Variants in NLGN1 observed in about 807,000 individuals in gnomAD.
NLGN1 encodes the protein neuroligin 1, also known as neuroligin-1.
In NLGN1, 12 loss-of-function variants were observed where a neutral mutation model predicts 65.5. The ratio of observed to expected loss-of-function variants is 0.18; its 90% CI spans 0.12 to 0.30. The LOEUF is 0.30. Ranked by LOEUF, NLGN1 falls within the 10% of genes least tolerant of loss-of-function variation. NLGN1 has a pLI of 1.00. For missense variants in NLGN1, 750 were observed against 1,007.1 expected, an observed-to-expected ratio of 0.74 and a Z score of 3.46; for synonymous variants, 350 against 359.5, an observed-to-expected ratio of 0.97 and a Z score of 0.30.
At chr3:173,864,703 G>A (rs369972469) in intron 4 of NLGN1, among the ~76,000 whole-genome samples, 5 of 152,122 alleles carry the variant, frequency 3.3e-5, no homozygotes, top group Admixed American at 6.5e-5. Flanking sequence ...AAACTTACAC[G>A]CAGGCTGTAA....
intron 4 of NLGN1, among the ~76,000 whole-genome samples, chr3:173,894,696 G>A (rs1459366506): frequency 1.4e-5 from 2 of 147,792 alleles, no homozygotes; most frequent in Non-Finnish European, 3.0e-5. Context: ...CAATGGCAAT[G>A]GCACATTATT....
intron 4 of NLGN1, among the ~76,000 whole-genome samples, chr3:174,208,838 T>C (rs1735905646): frequency 6.6e-6 from 1 of 152,202 alleles, no homozygotes; most frequent in African/African-American, 2.4e-5. Context: ...TTTAGTATTA[T>C]ATGATGCAGG....
chr3:174,213,314 G>T (rs1737035719), intron 4 of NLGN1, among the ~76,000 whole-genome samples: 1 of 152,070 alleles, frequency 6.6e-6, no homozygotes, highest in Non-Finnish European at 1.5e-5. Flanking sequence ...TTTTGTTAGA[G>T]TATAATTTTC....
intron 4 of NLGN1, among the ~76,000 whole-genome samples, chr3:173,914,030 A>G (rs763494842): frequency 8.5e-5 from 13 of 152,168 alleles, no homozygotes; most frequent in Admixed American, 8.5e-4. Flanking sequence ...TGGCATCTTC[A>G]TTAGCAAGTC....
chr3:173,951,752 C>T (rs960914564), intron 4 of NLGN1, among the ~76,000 whole-genome samples: 14 of 152,132 alleles, frequency 9.2e-5, no homozygotes, highest in South Asian at 2.1e-4. Context: ...TGAGCCACTG[C>T]GCCAGGCCGA....
At chr3:173,699,425 T>C (rs1766770915) in intron 3 of NLGN1, among the ~76,000 whole-genome samples, 1 of 152,228 alleles carries the variant, frequency 6.6e-6, no homozygotes, top group South Asian at 2.1e-4. Flanking sequence ...GACCTAAATT[T>C]CTAACCTGAT....
intron 4 of NLGN1, among the ~76,000 whole-genome samples, chr3:174,271,389 A>T (rs2152878177): frequency 6.6e-6 from 1 of 151,930 alleles, no homozygotes; most frequent in South Asian, 2.1e-4. Context: ...TCAACCAATA[A>T]ACCGCAGGGC....
At chr3:173,739,809 A>C (rs933463696) in intron 3 of NLGN1, among the ~76,000 whole-genome samples, 6 of 152,176 alleles carry the variant, frequency 3.9e-5, no homozygotes. Flanking sequence ...TTTGTTAACA[A>C]AACAAAGGTT....
At chr3:173,638,388 GAA>G (rs34003190) in intron 3 of NLGN1, among the ~76,000 whole-genome samples, 38 of 145,870 alleles carry the variant, frequency 2.6e-4, no homozygotes, top group Middle Eastern at 3.6e-3. Flanking sequence ...ATTATAAAAT[GAA>G]AAAAAAAAAC....
chr3:173,800,760 T>C (rs1029656182), intron 3 of NLGN1, among the ~76,000 whole-genome samples: 10 of 151,942 alleles, frequency 6.6e-5, no homozygotes, highest in African/African-American at 2.4e-5. Context: ...ATGTGCTTCA[T>C]TTTTACATTC....
At chr3:173,574,035 C>T (rs1367050062) in intron 2 of NLGN1, among the ~76,000 whole-genome samples, 5 of 139,524 alleles carry the variant, frequency 3.6e-5, no homozygotes, top group Non-Finnish European at 6.1e-5. Flanking sequence ...TGCACTCCAG[C>T]CTGAGCAATA....
chr3:173,719,301 A>C (rs1770410655), intron 3 of NLGN1, among the ~76,000 whole-genome samples: 1 of 152,128 alleles, frequency 6.6e-6, no homozygotes, highest in Non-Finnish European at 1.5e-5. Flanking sequence ...TAGTCAGTAA[A>C]TGTGCATAGT....
intron 3 of NLGN1, among the ~76,000 whole-genome samples, chr3:173,701,932 A>C (rs979642253): frequency 6.6e-6 from 1 of 152,214 alleles, no homozygotes; most frequent in Non-Finnish European, 1.5e-5. Flanking sequence ...ATTTGCATAC[A>C]AAAGTCATGT....
chr3:173,650,528 A>G (rs1041666012), intron 3 of NLGN1, among the ~76,000 whole-genome samples: 1 of 152,188 alleles, frequency 6.6e-6, no homozygotes, highest in Non-Finnish European at 1.5e-5. Flanking sequence ...AAGTTTGCAA[A>G]TACAACAGGT....
chr3:174,142,438 C>G (rs9832051), intron 4 of NLGN1, among the ~76,000 whole-genome samples: 23,557 of 151,930 alleles, frequency 0.16, 3,435 homozygotes, highest in African/African-American at 0.38. Flanking sequence ...ATGTATAAGT[C>G]GTTCTCAATG....
At chr3:174,064,189 A>G (rs1312298384) in intron 4 of NLGN1, among the ~76,000 whole-genome samples, 1 of 152,084 alleles carries the variant, frequency 6.6e-6, no homozygotes, top group Non-Finnish European at 1.5e-5. Flanking sequence ...AAAAAAAGAA[A>G]AAAACAAGGG....
intron 4 of NLGN1, among the ~76,000 whole-genome samples, chr3:173,951,838 A>C (rs1376002687): frequency 6.6e-6 from 1 of 152,158 alleles, no homozygotes; most frequent in Non-Finnish European, 1.5e-5. Context: ...TCAACATTTC[A>C]TGTATGTATA....
chr3:173,951,179 T>A (rs771101104), intron 4 of NLGN1, among the ~76,000 whole-genome samples: 1 of 152,044 alleles, frequency 6.6e-6, no homozygotes, highest in Non-Finnish European at 1.5e-5. Context: ...TTATTAATTA[T>A]ACAAATAGAG....
At chr3:174,106,651 G>T (rs1187421455) in intron 4 of NLGN1, among the ~76,000 whole-genome samples, 1 of 151,990 alleles carries the variant, frequency 6.6e-6, no homozygotes, top group African/African-American at 2.4e-5. Context: ...GAGATATATA[G>T]AGAGATATAT....
Sources: allele counts gnomAD v4.1 joint callset (sites outside exome capture counted in the v4.1 genomes callset), GRCh38; gene constraint gnomAD v4.1.1; transcripts MANE v1.5; gene names NCBI Gene and HGNC (gene_info 2026-07-23, HGNC 2026-07-21).